CHRNE: variants seen among roughly 807,000 people sequenced by gnomAD.
CHRNE encodes cholinergic receptor nicotinic epsilon subunit.
In CHRNE, 58 loss-of-function variants were observed where a neutral mutation model predicts 56.5. The ratio of observed to expected loss-of-function variants is 1.03; its 90% CI spans 0.83 to 1.28. The LOEUF (loss-of-function observed/expected upper bound fraction) is 1.28, where lower values mean the gene tolerates loss of function less well. Ranked by LOEUF, CHRNE falls within the 50% of genes most tolerant of loss-of-function variation. The pLI, the probability that CHRNE is intolerant of heterozygous loss-of-function variation, is 0.00. For missense variants in CHRNE, 793 were observed against 688.9 expected (o/e 1.15, Z -1.69); for synonymous variants, 385 against 297.9 (o/e 1.29, Z -3.01).
chr17:4,899,173 C>T, intron 10 of CHRNE, 25 bp downstream of exon 10: 3 of 1,594,084 alleles, frequency 1.9e-6, no homozygotes, highest in East Asian at 2.3e-5. Context: ...CGCGCGGCCC[C>T]CCGGGCCAGG....
rs1211648043 is a variant in CHRNE, at chr17:4,899,250, T to C, written c.1167A>G (p.Pro389=). 6.2e-7 allele frequency: 1 copy of C among 1,606,336 alleles called. No homozygotes were observed. Among genetic ancestry groups the C allele is most frequent in the Non-Finnish European group, 8.5e-7 (1 of 1,179,176 alleles). The part of the protein sequence containing the change: ...LRAEELILKK[P]RSELVFEGQR... Reference sequence around the variant, plus strand: ...GCCCCTCAAACACGAGCTCGCTCCGTGGCTTTTTCAGTATCAGCTCCTCCG... The same window carrying C: ...GCCCCTCAAACACGAGCTCGCTCCGCGGCTTTTTCAGTATCAGCTCCTCCG... The change falls in exon 10 of 12, where the codon CCA becomes CCG. Residue 389 remains proline, a synonymous_variant. Coordinates refer to ENST00000649488, the MANE Select transcript of CHRNE (RefSeq NM_000080.4).
Position 4,901,592 on chromosome 17 carries a change from G to A in CHRNE, c.534C>T (p.Phe178=), listed in dbSNP as rs1246145838. 1 of 1,614,024 alleles carries A rather than the reference G, an allele frequency of 6.2e-7. No individual in the cohort carries two copies. The highest frequency in any genetic ancestry group is 1.3e-5 in the African/African-American group (1 of 74,926). ...TGCCGTCGTTGTCTACGGCAAAAGT[G>A]AACTCCACCTCTTCGGCATTGTACG... The part of the protein sequence containing the change: ...SQTYNAEEVE[F]TFAVDNDGKT... Residue 178 remains phenylalanine (F), a synonymous_variant, in exon 6 of 12, where the codon TTC becomes TTT. Transcript: ENST00000649488.
At chr17:4,906,077 G>A (rs945587495), upstream of CHRNE, among the ~76,000 whole-genome samples, 7 of 152,048 alleles carry the variant, frequency 4.6e-5, no homozygotes, top group African/African-American at 9.7e-5. Flanking sequence ...CTGCTTTCTC[G>A]TCACCTGTGC....
chr17:4,905,243 G>T (rs555246884), upstream of CHRNE, among the ~76,000 whole-genome samples: 7 of 152,224 alleles, frequency 4.6e-5, no homozygotes, highest in African/African-American at 1.2e-4. Flanking sequence ...GGGTGAATCA[G>T]ATCTGTCAGA....
At chr17:4,903,868 ATT>A (rs916204252), upstream of CHRNE, among the ~76,000 whole-genome samples, 4 of 151,856 alleles carry the variant, frequency 2.6e-5, no homozygotes, top group African/African-American at 9.7e-5. Context: ...TTTAAAAAAA[ATT>A]TTTTTGAGAC....
chr17:4,900,010 G>A (rs1156322926), intron 8 of CHRNE: 7 of 1,551,436 alleles, frequency 4.5e-6, no homozygotes, highest in Non-Finnish European at 6.1e-6. Flanking sequence ...TGGAGCAGAG[G>A]TTCAGAGAGC....
intron 8 of CHRNE, chr17:4,900,118 C>A (rs1027324850): frequency 2.6e-6 from 4 of 1,550,592 alleles, no homozygotes; most frequent in Non-Finnish European, 3.5e-6. Context: ...CAGCCAGCCT[C>A]GTGAGCTTCG....
upstream of CHRNE, among the ~76,000 whole-genome samples, chr17:4,907,566 C>CAAAAAAAAAAAAAAAAAAAAAAAAA: frequency 1.6e-5 from 1 of 61,066 alleles, no homozygotes; most frequent in Non-Finnish European, 3.2e-5. Flanking sequence ...GACTCAGTCT[C>CAAAAAAAAAAAAAAAAAAAAAAAAA]AAAAAAAAAA....
chr17:4,906,969 A>C (rs534452638), upstream of CHRNE, among the ~76,000 whole-genome samples: 1 of 152,280 alleles, frequency 6.6e-6, no homozygotes, highest in South Asian at 2.1e-4. Flanking sequence ...GCATGTTCTC[A>C]CTTATTTGTG....
Position 4,898,124 on chromosome 17 carries a change from T to C in CHRNE, c.*612A>G. ...GACTAGGCAGAGAGAGCCTCCAGGG[T>C]GGGGAAGAAAGGGGCAGGGTGGGCT... On this transcript the variant is annotated 3_prime_UTR_variant, in exon 12 of 12. Transcript: ENST00000649488. 1 of 135,636 alleles carries C rather than the reference T, an allele frequency of 7.4e-6. No homozygotes were observed. Among genetic ancestry groups the C allele is most frequent in the Non-Finnish European group, 1.5e-5 (1 of 64,568 alleles). The allele number at this position is 135,636 out of a possible 1,614,324, so 8.4% of individuals were successfully genotyped here. A position where few individuals can be genotyped will look rare whatever the true frequency, so the allele number is the denominator to read the frequency against.
chr17:4,899,116 G>C lies in CHRNE; in HGVS notation c.1220-9C>G, dbSNP rs748607118. ...GCTCTGGCAGAAGGCAGCTGGCGGG[G>C]AAAACACCGGGGTGGGCCTTAGGAG... is the stretch of plus-strand genomic sequence containing the variant. On this transcript the variant is annotated splice_polypyrimidine_tract_variant and intron_variant, in intron 10 of 11. Transcript: ENST00000649488. 6 of 1,605,956 alleles carry C rather than the reference G, an allele frequency of 3.7e-6. No individual in the cohort carries two copies. Among genetic ancestry groups the C allele is most frequent in the Admixed American group, 3.4e-5 (2 of 59,332 alleles).
At chr17:4,901,883 G>T in intron 5 of CHRNE, 49 bp downstream of exon 5, 92 of 1,215,354 alleles carry the variant, frequency 7.6e-5, no homozygotes, top group Non-Finnish European at 1.1e-4. Context: ...CGCCCCATAA[G>T]GCCCCCCCCC....
In CHRNE at chr17:4,898,502, G is replaced by A. The variant is rs1969803422; in HGVS notation, c.*234C>T. On this transcript the variant is annotated 3_prime_UTR_variant, in exon 12 of 12. Coordinates refer to ENST00000649488, the MANE Select transcript of CHRNE (RefSeq NM_000080.4). Reference sequence around the variant, plus strand: ...CAAGGCTGAATGAAGGGCAGTCCTTGCTTTCTGGAAGACTGGCACCTGAGA... The same window carrying A: ...CAAGGCTGAATGAAGGGCAGTCCTTACTTTCTGGAAGACTGGCACCTGAGA... 2 of 594,972 alleles carry A rather than the reference G, an allele frequency of 3.4e-6. No homozygotes were observed. The highest frequency in any genetic ancestry group is 5.7e-5 in the Admixed American group (2 of 35,246). The allele number at this position is 594,972 out of a possible 1,614,324, so 36.9% of individuals were successfully genotyped here. A position where few individuals can be genotyped will look rare whatever the true frequency, so the allele number is the denominator to read the frequency against.
At chr17:4,901,788 G>A (rs111897419) in intron 5 of CHRNE, 144 bp downstream of exon 5, 13 of 1,331,426 alleles carry the variant, frequency 9.8e-6, no homozygotes, top group South Asian at 1.2e-5. Flanking sequence ...CTCCGGCCGC[G>A]CTGGAGCGTC....
At chr17:4,904,003 G>A (rs139853023), upstream of CHRNE, among the ~76,000 whole-genome samples, 1,627 of 152,126 alleles carry the variant, frequency 0.011, 13 homozygotes, top group Middle Eastern at 0.048. Flanking sequence ...GACTACAGGC[G>A]CATGCCACCA....
Position 4,902,623 on chromosome 17 carries a change from G to C in CHRNE, c.187C>G (p.Leu63Val), listed in dbSNP as rs776667913. 1.2e-6 allele frequency: 2 copies of C among 1,614,118 alleles called. No individual in the cohort carries two copies. Among genetic ancestry groups the C allele is most frequent in the South Asian group, 2.2e-5 (2 of 91,084 alleles). The change falls in exon 2 of 12, where the codon CTG (leucine) becomes GTG (valine). Residue 63 changes from leucine to valine, a missense_variant and splice_region_variant. Leu to Val is a conservative substitution (Grantham distance 32). Coordinates refer to ENST00000649488, the MANE Select transcript of CHRNE (RefSeq NM_000080.4). The surrounding 1 kb of genome is among the most constrained non-coding windows in gnomAD (Gnocchi z 4.0). ...AGATGAGGGTGGGGGTAGCTTACCA[G>C]TGAGATGAGATTCGTCAGGGTGACC... ...LKVTLTNLIS[L>V]NEKEETLTTS...
At chr17:4,901,810 C>T (rs1435478681) in intron 5 of CHRNE, 122 bp downstream of exon 5, 1 of 1,457,964 alleles carries the variant, frequency 6.9e-7, no homozygotes, top group Non-Finnish European at 9.5e-7. Flanking sequence ...CACCCAGTGC[C>T]TACGCCTGGC....
In CHRNE at chr17:4,902,393, T is replaced by G; in HGVS notation, c.234+57A>C. 1 of 1,613,776 alleles carries G rather than the reference T, an allele frequency of 6.2e-7. No individual in the cohort carries two copies. The highest frequency in any genetic ancestry group is 8.5e-7 in the Non-Finnish European group (1 of 1,179,742). ...CACCTGGCGCTGCCTGGGAGGGGTT[T>G]GGGGGAAAAGGGGTGCCCTGGACAA... is the stretch of plus-strand genomic sequence containing the variant. On this transcript the variant is annotated intron_variant, in intron 3 of 11. Transcript: ENST00000649488. This position sits in a 1 kb window ranked among gnomAD's most constrained non-coding sequence, Gnocchi z 4.0.
In CHRNE at chr17:4,902,248, C is replaced by T. The variant is rs746407563; in HGVS notation, c.313G>A (p.Val105Met). ...TCCAGCACAATCTCTGGCAGCCACA[C>T]GAGTTCTGAAGGGACTCGCAGGGTT... ...IETLRVPSEL[V>M]WLPEIVLENN... The change falls in exon 4 of 12, where the codon GTG becomes ATG. Residue 105 changes from valine to methionine, a missense_variant. Transcript: ENST00000649488. This position sits in a 1 kb window ranked among gnomAD's most constrained non-coding sequence, Gnocchi z 4.0. The T allele has an allele frequency of 1.2e-6, 2 of 1,614,182 alleles. No individual in the cohort carries two copies. The highest frequency in any genetic ancestry group is 1.1e-5 in the South Asian group (1 of 91,084).
Sources: allele counts gnomAD v4.1 joint callset (sites outside exome capture counted in the v4.1 genomes callset), GRCh38; gene constraint gnomAD v4.1.1; non-coding constraint Gnocchi (gnomAD v3.1); transcripts MANE v1.5; gene names NCBI Gene and HGNC (gene_info 2026-07-23, HGNC 2026-07-21).